Variants in SYN3 observed in about 807,000 individuals in gnomAD.
SYN3 encodes synapsin-3.
A neutral mutation model predicts 65.8 loss-of-function variants in SYN3; 35 were observed. That is an observed-to-expected ratio of 0.53 (90% CI 0.41 to 0.70). The LOEUF is 0.70. SYN3 is among the 30% of genes least tolerant of loss of function. SYN3 has a pLI of 0.00. For synonymous variants in SYN3, 270 were observed against 292.9 expected (o/e 0.92, Z 0.80); for missense variants, 680 against 749.0 (o/e 0.91, Z 1.08).
At chr22:32,684,223 T>C (rs2060561146) in intron 6 of SYN3, among the ~76,000 whole-genome samples, 1 of 152,152 alleles carries the variant, frequency 6.6e-6, no homozygotes, top group Non-Finnish European at 1.5e-5. Flanking sequence ...AGAGTGAGTC[T>C]TCCTTTCTTT....
At chr22:32,528,086 T>C in intron 11 of SYN3, 81 bp from the exon 12 acceptor site, 1 of 1,101,362 alleles carries the variant, frequency 9.1e-7, no homozygotes, top group Non-Finnish European at 1.3e-6. Context: ...TTTATGAAGA[T>C]CTTTTTATCA....
chr22:33,043,909 T>TGG (rs1490464384), intron 1 of SYN3, among the ~76,000 whole-genome samples: 12 of 152,026 alleles, frequency 7.9e-5, no homozygotes. Flanking sequence ...AAAAATTAGC[T>TGG]GGGCGTGGTG....
chr22:32,724,269 T>G (rs1475840342), intron 6 of SYN3, among the ~76,000 whole-genome samples: 1 of 152,220 alleles, frequency 6.6e-6, no homozygotes, highest in Non-Finnish European at 1.5e-5. Context: ...TGTTTTGTTT[T>G]GTTTTAGAGA....
chr22:32,633,925 CA>C (rs1202867912), intron 6 of SYN3, among the ~76,000 whole-genome samples: 3 of 151,630 alleles, frequency 2.0e-5, no homozygotes, highest in Non-Finnish European at 4.4e-5. Flanking sequence ...CAACCTGGCA[CA>C]AAAAAAGGCA....
chr22:32,755,606 G>C (rs892533386), intron 6 of SYN3, among the ~76,000 whole-genome samples: 1 of 152,088 alleles, frequency 6.6e-6, no homozygotes, highest in South Asian at 2.1e-4. Flanking sequence ...TCTTGCCCAG[G>C]AAATCATGCC....
At chr22:32,810,395 G>A (rs977216534) in intron 6 of SYN3, among the ~76,000 whole-genome samples, 2 of 152,124 alleles carry the variant, frequency 1.3e-5, no homozygotes, top group African/African-American at 2.4e-5. Flanking sequence ...GAAACTATAA[G>A]TGTTTCCAAG....
intron 7 of SYN3, among the ~76,000 whole-genome samples, chr22:32,543,700 G>A (rs529223962): frequency 7.4e-4 from 112 of 152,178 alleles, no homozygotes; most frequent in Non-Finnish European, 7.4e-5. Context: ...TCTGTCGTGC[G>A]GGTAGATGTG....
In SYN3 at chr22:32,869,095, G is replaced by A. The variant is rs1156867175; in HGVS notation, c.492C>T (p.Val164=). ...SRSFKPDFIL[V]RQHAYSMALG... ...GGGCCATGCTGTAGGCATGCTGGCGGACCAGGATGAAGTCTGGCTTGAAGG... is the reference window on the plus strand; with the variant it reads ...GGGCCATGCTGTAGGCATGCTGGCGAACCAGGATGAAGTCTGGCTTGAAGG... The change falls in exon 5 of 14, where the codon GTC becomes GTT. Residue 164 remains valine, a synonymous_variant. Transcript: ENST00000358763. 6.2e-7 allele frequency: 1 copy of A among 1,613,842 alleles called. No individual in the cohort carries two copies. The highest frequency in any genetic ancestry group is 8.5e-7 in the Non-Finnish European group (1 of 1,179,810).
At chr22:32,713,039 CTG>C (rs1052745494) in intron 6 of SYN3, among the ~76,000 whole-genome samples, 1 of 152,174 alleles carries the variant, frequency 6.6e-6, no homozygotes, top group African/African-American at 2.4e-5. Flanking sequence ...AGTGGAGACA[CTG>C]TATTTTTTTT....
intron 7 of SYN3, among the ~76,000 whole-genome samples, chr22:32,555,305 A>G (rs1017785943): frequency 6.6e-6 from 1 of 152,218 alleles, no homozygotes; most frequent in African/African-American, 2.4e-5. Context: ...CTCCCCTGAG[A>G]GAGGAACACA....
chr22:32,896,918 T>C (rs892841727), intron 4 of SYN3, among the ~76,000 whole-genome samples: 5 of 152,206 alleles, frequency 3.3e-5, no homozygotes, highest in Admixed American at 6.5e-5. Flanking sequence ...AGTGGTGGCT[T>C]AGAAGTCACG....
chr22:32,883,805 C>T (rs973767251), intron 4 of SYN3, among the ~76,000 whole-genome samples: 2 of 152,216 alleles, frequency 1.3e-5, no homozygotes, highest in African/African-American at 2.4e-5. Flanking sequence ...TGTCCTATGG[C>T]GTAGCTAAGT....
intron 2 of SYN3, among the ~76,000 whole-genome samples, chr22:32,987,940 C>G (rs1043945751): frequency 4.6e-5 from 7 of 152,128 alleles, no homozygotes; most frequent in Admixed American, 3.3e-4. Context: ...GAATAAAATG[C>G]ACGACCAATG....
At chr22:32,635,296 T>C (rs1457746785) in intron 6 of SYN3, 2 of 152,204 alleles carry the variant, frequency 1.3e-5, no homozygotes, top group African/African-American at 4.8e-5. Flanking sequence ...CTATTTTCTA[T>C]ATGTATCTAT....
Position 32,859,334 on chromosome 22 carries a change from G to A in SYN3, c.711+5581C>T, listed in dbSNP as rs2146297177. 2 of 1,613,448 alleles carry A rather than the reference G, an allele frequency of 1.2e-6. No individual in the cohort carries two copies. The highest frequency in any genetic ancestry group is 1.7e-6 in the Non-Finnish European group (2 of 1,180,022). ...GGCTACTGCAGCTGGTACCGAGGAT[G>A]GGCCCCCCCGGATAAAAGCATCATC... On this transcript the variant is annotated intron_variant, in intron 6 of 13. Coordinates refer to ENST00000358763, the MANE Select transcript of SYN3 (RefSeq NM_003490.4).
chr22:33,034,537 C>T (rs976896271), intron 1 of SYN3, among the ~76,000 whole-genome samples: 1 of 152,008 alleles, frequency 6.6e-6, no homozygotes, highest in East Asian at 2.0e-4. Flanking sequence ...TGAGCCACCA[C>T]GCTCGGCCAG....
rs768371919 is a variant in SYN3, at chr22:32,518,249, G to A, written c.1404C>T (p.Pro468=). The A allele has an allele frequency of 2.5e-6, 4 of 1,613,344 alleles. No individual in the cohort carries two copies. The Admixed American group carries it at 5.0e-5, about 20-fold the overall frequency. ...QQRLSPQGQQ[P]LSPQSGSPQQ... ...GTGGAGATCCGGACTGGGGGCTCAG[G>A]GGCTGCTGGCCTTGTGGGGAGAGCC... The change falls in exon 13 of 14, where the codon CCC becomes CCT. Residue 468 remains proline, a synonymous_variant. Coordinates refer to ENST00000358763, the MANE Select transcript of SYN3 (RefSeq NM_003490.4).
intron 6 of SYN3, among the ~76,000 whole-genome samples, chr22:32,647,703 G>A (rs949841792): frequency 6.6e-6 from 1 of 152,002 alleles, no homozygotes; most frequent in African/African-American, 2.4e-5. Context: ...CCGCCTCCTG[G>A]GTTCAAGCAA....
intron 12 of SYN3, among the ~76,000 whole-genome samples, chr22:32,521,975 G>C (rs527835085): frequency 5.9e-5 from 9 of 152,318 alleles, no homozygotes; most frequent in Non-Finnish European, 8.8e-5. Context: ...ACTGGATTCA[G>C]AGACCAGAGT....
Sources: gnomAD v4.1 joint callset for allele counts (sites outside exome capture counted in the v4.1 genomes callset) on GRCh38, gnomAD v4.1.1 for gene constraint, MANE v1.5 for transcripts, NCBI Gene and HGNC (gene_info 2026-07-23, HGNC 2026-07-21) for gene names.